COL16A1: variants seen among roughly 807,000 people sequenced by gnomAD.
The protein encoded by COL16A1 is collagen alpha-1(XVI) chain.
In COL16A1, 189 loss-of-function variants were observed where a neutral mutation model predicts 266.3. That is an observed-to-expected ratio of 0.71 (90% CI 0.63 to 0.80). The LOEUF (loss-of-function observed/expected upper bound fraction) is 0.80, where lower values mean the gene tolerates loss of function less well. COL16A1 is among the 30% of genes least tolerant of loss of function. The pLI is 0.00. For missense variants in COL16A1, 1,928 were observed against 2,122.4 expected, an observed-to-expected ratio of 0.91 and a Z score of 1.80; for synonymous variants, 740 against 782.3, an observed-to-expected ratio of 0.95 and a Z score of 0.90.
At chr1:31,691,735 C>A in intron 17 of COL16A1, 93 bp from the exon 18 acceptor site, 1 of 1,471,494 alleles carries the variant, frequency 6.8e-7, no homozygotes, top group Non-Finnish European at 9.2e-7. Flanking sequence ...CCCACCCTCC[C>A]TGCCCCTCCC....
rs1022651792 is a variant in COL16A1, at chr1:31,667,485, C to T, written c.3357+90G>A. ...GGGGGGCAGCAGGGGTCACGATCCTCCCCTTCACAGGCTGCTGCCAAGTCT... is the reference window on the plus strand; with the variant it reads ...GGGGGGCAGCAGGGGTCACGATCCTTCCCTTCACAGGCTGCTGCCAAGTCT... On this transcript the variant is annotated intron_variant, in intron 52 of 70. Coordinates refer to ENST00000373672, the MANE Select transcript of COL16A1 (RefSeq NM_001856.4). 4.8e-5 allele frequency: 54 copies of T among 1,122,024 alleles called. 1 individual carries two copies. The Admixed American group carries it at 6.5e-4, about 13-fold the overall frequency. 69.5% of individuals were successfully genotyped at this position (1,122,024 alleles called of 1,614,324 possible).
At chr1:31,686,426 C>A (rs1643980136) in intron 26 of COL16A1, 147 bp from the exon 27 acceptor site, 2 of 1,142,240 alleles carry the variant, frequency 1.8e-6, no homozygotes, top group East Asian at 2.5e-5. Context: ...TCTCCAAGGT[C>A]CCCAAGGGAG....
Position 31,690,540 on chromosome 1 carries a change from C to G in COL16A1, c.1471G>C (p.Gly491Arg). The G allele has an allele frequency of 6.2e-7, 1 of 1,613,962 alleles. No homozygotes were observed. Among genetic ancestry groups the G allele is most frequent in the Non-Finnish European group, 8.5e-7 (1 of 1,179,888 alleles). Residue 491 changes from glycine to arginine, a missense_variant, in exon 21 of 71, where the codon GGT (glycine) becomes CGT (arginine). Gly to Arg is a moderately radical substitution (Grantham distance 125). Around this residue, in one of 2 missense-constraint regions of COL16A1, gnomAD observed 1,552 missense variants for 1,637.2 expected, o/e 0.95. Transcript: ENST00000373672. ...SSGIPGKEGP[G>R]GKPGKPGVKG... ...TTGGTGTCACTCACAGGTTTCCCAC[C>G]AGGGCCTTCCTTTCCTGGGATCCCC...
In COL16A1 at chr1:31,697,277, G is replaced by T. The variant is rs370744143; in HGVS notation, c.681C>A (p.Ile227=). The T allele has an allele frequency of 5.2e-5, 84 of 1,611,366 alleles. No individual in the cohort carries two copies. Among genetic ancestry groups the T allele is most frequent in the Non-Finnish European group, 6.8e-5 (80 of 1,178,834 alleles). Residue 227 remains isoleucine (I), a synonymous_variant, in exon 7 of 71, where the codon ATC becomes ATA. Transcript: ENST00000373672. The surrounding 1 kb of genome is among the most constrained non-coding windows in gnomAD (Gnocchi z 4.2). The part of the protein sequence containing the change: ...PVSFDLQQVH[I]YCDPELVLEE... ...CCAGCACGAGCTCCGGGTCACAGTA[G>T]ATGTGCACCTGCTGAAGGTCAAACT...
rs753221527 is a variant in COL16A1 at position 31,664,388 on chromosome 1, G to T, written c.3555+784C>A. Among the ~76,000 whole-genome samples the T allele has an allele frequency of 1.2e-4, 18 of 152,126 alleles. No homozygotes were observed. The highest frequency in any genetic ancestry group is 2.1e-4 in the South Asian group (1 of 4,834). On this transcript the variant is annotated intron_variant, in intron 56 of 70. Coordinates refer to ENST00000373672, the MANE Select transcript of COL16A1 (RefSeq NM_001856.4). The surrounding 1 kb of genome is among the most constrained non-coding windows in gnomAD (Gnocchi z 5.5). ...CACCTGCACAGTGAGACGTTCATGC[G>T]TGTGCTCTCAGGGGAAAGAGGCTCT...
intron 14 of COL16A1, 27 bp from the exon 15 acceptor site, chr1:31,692,669 G>A: frequency 1.2e-6 from 2 of 1,613,976 alleles, no homozygotes; most frequent in Non-Finnish European, 1.7e-6. Context: ...AGTGTTGAGA[G>A]GGGCAGAGGG....
At chr1:31,679,925 G>T (rs573253773) in intron 40 of COL16A1, 74 bp from the exon 41 acceptor site, 1 of 1,543,806 alleles carries the variant, frequency 6.5e-7, no homozygotes, top group South Asian at 1.2e-5. Flanking sequence ...GGGGCTGCGT[G>T]GGGAGGCGGC....
chr1:31,693,424 C>A (rs1644365510), intron 12 of COL16A1, among the ~76,000 whole-genome samples: 1 of 152,170 alleles, frequency 6.6e-6, no homozygotes, highest in African/African-American at 2.4e-5. Flanking sequence ...ATCCCCCACA[C>A]CCGTACCCAA....
chr1:31,656,301 C>T lies in COL16A1; in HGVS notation c.4101+99G>A, dbSNP rs1183219090. ...TGCATTTTTGCCCCCTGCCCACTGG[C>T]CTTCCTGTGTCTCCTCTCTGTGGCT... On this transcript the variant is annotated intron_variant, in intron 66 of 70. Coordinates refer to ENST00000373672, the MANE Select transcript of COL16A1 (RefSeq NM_001856.4). The surrounding 1 kb of genome is among the most constrained non-coding windows in gnomAD (Gnocchi z 4.2). 4.5e-6 allele frequency: 7 copies of T among 1,548,174 alleles called. No homozygotes were observed. The South Asian group carries it at 8.3e-5, about 18-fold the overall frequency.
intron 64 of COL16A1, 116 bp downstream of exon 64, chr1:31,658,372 C>T: frequency 1.1e-6 from 1 of 898,812 alleles, no homozygotes; most frequent in East Asian, 2.6e-5. Flanking sequence ...TGCCATCCTG[C>T]CATGCTGACA....
chr1:31,679,262 G>T, intron 42 of COL16A1: 2 of 774,692 alleles, frequency 2.6e-6, no homozygotes, highest in Non-Finnish European at 4.0e-6. Context: ...ATTCACAGCA[G>T]TTAAAGCAGT....
In COL16A1 at chr1:31,698,063, C is replaced by T. The variant is rs200464413; in HGVS notation, c.500G>A (p.Arg167His). 53 of 1,613,968 alleles carry T rather than the reference C, an allele frequency of 3.3e-5. No individual in the cohort carries two copies. The highest frequency in any genetic ancestry group is 3.2e-4 in the African/African-American group (24 of 75,062). The change falls in exon 6 of 71, where the codon CGT becomes CAT. Residue 167 changes from arginine (R) to histidine (H), a missense_variant. Physicochemically the swap from Arg to His is conservative, Grantham distance 29. This residue lies in a region of COL16A1 where 1,552 missense variants were observed against 1,637.2 expected (regional missense o/e 0.95). Transcript: ENST00000373672. This position sits in a 1 kb window ranked among gnomAD's most constrained non-coding sequence, Gnocchi z 4.1. ...IFPVPQLFDL[R>H]WHKLMLSVAG... is the part of the protein sequence containing the mutation. ...CACACTCAGCATCAGCTTGTGCCAA[C>T]GCAAGTCGAAGAGCTGGGGCACTGG...
chr1:31,690,662 T>C, intron 20 of COL16A1, 89 bp from the exon 21 acceptor site: 1 of 1,540,504 alleles, frequency 6.5e-7, no homozygotes, highest in East Asian at 2.4e-5. Context: ...CCCTCTGTGA[T>C]GGCAGAACAA....
chr1:31,692,965 C>G (rs1405385916), intron 13 of COL16A1, 127 bp downstream of exon 13: 1 of 947,210 alleles, frequency 1.1e-6, no homozygotes. Context: ...TGGCCCTCAC[C>G]CCCCTCCCGT....
intron 67 of COL16A1, 113 bp from the exon 68 acceptor site, chr1:31,654,971 C>CTTTT (rs10586841): frequency 5.8e-4 from 241 of 414,272 alleles, no homozygotes; most frequent in Middle Eastern, 3.6e-3. Context: ...CCCACAGATT[C>CTTTT]TTTTTTTTTT....
intron 16 of COL16A1, 55 bp downstream of exon 16, chr1:31,692,419 C>T: frequency 1.3e-6 from 2 of 1,579,526 alleles, no homozygotes; most frequent in Non-Finnish European, 1.7e-6. Context: ...TTCCTCATGG[C>T]TGTAGAGCCT....
intron 56 of COL16A1, 34 bp downstream of exon 56, chr1:31,665,138 A>C: frequency 6.2e-7 from 1 of 1,602,768 alleles, no homozygotes; most frequent in African/African-American, 1.3e-5. Flanking sequence ...CATGGCTCAG[A>C]TCTGTGACTT....
Position 31,691,183 on chromosome 1 carries a change from C to T in COL16A1, c.1437+5G>A. 5 of 1,613,816 alleles carry T rather than the reference C, an allele frequency of 3.1e-6. No individual in the cohort carries two copies. Among genetic ancestry groups the T allele is most frequent in the Non-Finnish European group, 3.4e-6 (4 of 1,179,838 alleles). ...CCACGTGACCACACTCCCACCTATG[C>T]TCACCTTGTCTCCCTTGGGGCCTGG... On this transcript the variant is annotated splice_donor_5th_base_variant and intron_variant, in intron 20 of 70. Coordinates refer to ENST00000373672, the MANE Select transcript of COL16A1 (RefSeq NM_001856.4).
intron 70 of COL16A1, 44 bp downstream of exon 70, chr1:31,653,555 T>C (rs983425804): frequency 6.3e-7 from 1 of 1,577,190 alleles, no homozygotes; most frequent in African/African-American, 1.4e-5. Context: ...AAAAGGGGTC[T>C]CTGCTGCTCT....
Sources: gnomAD v4.1 joint callset for allele counts (sites outside exome capture counted in the v4.1 genomes callset) on GRCh38, gnomAD v4.1.1 for gene constraint, gnomAD v4.1.1 regional missense constraint, Gnocchi (gnomAD v3.1) non-coding constraint, MANE v1.5 for transcripts, NCBI Gene and HGNC (gene_info 2026-07-23, HGNC 2026-07-21) for gene names.